SGCZ: variants seen among roughly 807,000 people sequenced by gnomAD.
SGCZ encodes sarcoglycan zeta, also known as zeta-sarcoglycan.
A neutral mutation model predicts 41.3 loss-of-function variants in SGCZ; 40 were observed. That is an observed-to-expected ratio of 0.97 (90% CI 0.75 to 1.26). SGCZ has a LOEUF of 1.26. Ranked by LOEUF, SGCZ falls within the 50% of genes most tolerant of loss-of-function variation. SGCZ has a pLI of 0.00. For synonymous variants in SGCZ, 206 were observed against 137.5 expected, an observed-to-expected ratio of 1.50 and a Z score of -3.49; for missense variants, 552 against 369.8, an observed-to-expected ratio of 1.49 and a Z score of -4.04.
At chr8:14,403,732 T>C (rs1799139087) in intron 2 of SGCZ, among the ~76,000 whole-genome samples, 1 of 152,166 alleles carries the variant, frequency 6.6e-6, no homozygotes, top group African/African-American at 2.4e-5. Context: ...TTTCTGTCTT[T>C]TTTCTTCCAT....
At chr8:14,297,692 C>T (rs1801060009) in intron 3 of SGCZ, among the ~76,000 whole-genome samples, 1 of 151,878 alleles carries the variant, frequency 6.6e-6, no homozygotes. Flanking sequence ...CCAAAACCTA[C>T]ATAAAAAGCA....
At chr8:15,049,664 A>G (rs1381220460) in intron 1 of SGCZ, among the ~76,000 whole-genome samples, 1 of 152,150 alleles carries the variant, frequency 6.6e-6, no homozygotes, top group African/African-American at 2.4e-5. Flanking sequence ...ACAGCAGGTT[A>G]AAGTGAGAGA....
At chr8:14,452,841 T>G (rs1800633655) in intron 2 of SGCZ, among the ~76,000 whole-genome samples, 1 of 152,132 alleles carries the variant, frequency 6.6e-6, no homozygotes, top group Non-Finnish European at 1.5e-5. Context: ...GACTCACGCC[T>G]GTACAAATCC....
chr8:14,475,856 G>GACAGC (rs1407241594), intron 2 of SGCZ, among the ~76,000 whole-genome samples: 2 of 151,956 alleles, frequency 1.3e-5, no homozygotes, highest in Non-Finnish European at 2.9e-5. Context: ...TTTTACTTAA[G>GACAGC]ACAGGGTCTG....
intron 5 of SGCZ, among the ~76,000 whole-genome samples, chr8:14,138,296 C>T (rs905861926): frequency 2.0e-5 from 3 of 152,150 alleles, no homozygotes; most frequent in South Asian, 2.1e-4. Context: ...AATCAGCTAA[C>T]ATTATAATGA....
At chr8:14,857,961 A>G (rs1004680337) in intron 1 of SGCZ, among the ~76,000 whole-genome samples, 2 of 152,322 alleles carry the variant, frequency 1.3e-5, no homozygotes, top group African/African-American at 4.8e-5. Context: ...GCAAGATTCA[A>G]AAATACTTAT....
chr8:14,127,330 A>G (rs1802892191), intron 5 of SGCZ, among the ~76,000 whole-genome samples: 1 of 152,138 alleles, frequency 6.6e-6, no homozygotes, highest in African/African-American at 2.4e-5. Context: ...TCCCCTAAAT[A>G]CTGAGGAGCA....
At chr8:14,470,787 C>A (rs1229287780) in intron 2 of SGCZ, among the ~76,000 whole-genome samples, 1 of 152,104 alleles carries the variant, frequency 6.6e-6, no homozygotes, top group Non-Finnish European at 1.5e-5. Flanking sequence ...AAAAGAAAGT[C>A]ATTCGAACTC....
chr8:14,592,761 T>C (rs978176611), intron 1 of SGCZ, among the ~76,000 whole-genome samples: 3 of 152,184 alleles, frequency 2.0e-5, no homozygotes, highest in African/African-American at 7.2e-5. Flanking sequence ...TGGTTATTAG[T>C]GGTTGGGCAT....
intron 2 of SGCZ, among the ~76,000 whole-genome samples, chr8:14,506,309 C>T (rs1284486938): frequency 2.0e-5 from 3 of 152,166 alleles, no homozygotes; most frequent in South Asian, 2.1e-4. Flanking sequence ...CTTGTTAATA[C>T]CACCTGGTCA....
intron 2 of SGCZ, among the ~76,000 whole-genome samples, chr8:14,336,819 G>C (rs993520343): frequency 2.0e-5 from 3 of 152,064 alleles, no homozygotes; most frequent in Non-Finnish European, 1.5e-5. Flanking sequence ...TGTTTCTTCT[G>C]TTGTGCTCCT....
At chr8:15,182,080 T>C (rs1465065303) in intron 1 of SGCZ, among the ~76,000 whole-genome samples, 1 of 152,164 alleles carries the variant, frequency 6.6e-6, no homozygotes, top group Non-Finnish European at 1.5e-5. Context: ...ATTCCGAAAT[T>C]CATGGAAGAG....
chr8:14,353,278 T>A (rs1041877820), intron 2 of SGCZ, among the ~76,000 whole-genome samples: 1 of 152,134 alleles, frequency 6.6e-6, no homozygotes, highest in African/African-American at 2.4e-5. Context: ...ATATTAGTTA[T>A]CTGTGTTTTT....
intron 1 of SGCZ, among the ~76,000 whole-genome samples, chr8:14,573,789 T>A (rs1036132295): frequency 1.4e-4 from 21 of 152,060 alleles, no homozygotes; most frequent in Non-Finnish European, 1.5e-5. Flanking sequence ...TGGGGAATCT[T>A]AGGAAGCTTA....
intron 1 of SGCZ, among the ~76,000 whole-genome samples, chr8:15,138,332 T>A (rs577770742): frequency 1.3e-5 from 2 of 152,226 alleles, no homozygotes; most frequent in South Asian, 4.1e-4. Flanking sequence ...GGAGTTGGGC[T>A]TTTGAGTTAA....
intron 5 of SGCZ, among the ~76,000 whole-genome samples, chr8:14,161,690 AT>A (rs1293409525): frequency 6.6e-6 from 1 of 152,210 alleles, no homozygotes; most frequent in Non-Finnish European, 1.5e-5. Context: ...ATCTGAAAGT[AT>A]ATGACATAGA....
rs190699649 is a variant in SGCZ, at chr8:15,151,678, C to A, written c.39+85907G>T. ...ACATGTATACACATACATAAAGAGC[C>A]AACTATATAATGACACAGTTAATAA... is the stretch of plus-strand genomic sequence containing the variant. On this transcript the variant is annotated intron_variant, in intron 1 of 7. Coordinates refer to ENST00000382080, the MANE Select transcript of SGCZ (RefSeq NM_139167.4). 2.0e-5 allele frequency among the ~76,000 whole-genome samples: 3 copies of A among 152,148 alleles called. No homozygotes were observed. In the East Asian group the frequency reaches 5.8e-4, roughly 29 times the overall value.
intron 1 of SGCZ, among the ~76,000 whole-genome samples, chr8:14,996,907 T>C (rs896132395): frequency 4.6e-5 from 7 of 152,248 alleles, no homozygotes; most frequent in Non-Finnish European, 8.8e-5. Context: ...GTCAGTTATT[T>C]GCAGTTTACC....
intron 1 of SGCZ, among the ~76,000 whole-genome samples, chr8:15,082,443 A>AGTGT (rs71209102): frequency 0.62 from 92,572 of 149,502 alleles, 30,257 homozygotes; most frequent in Non-Finnish European, 0.74. Flanking sequence ...TATATCTCTA[A>AGTGT]GTGTGTGTGT....
Sources: gnomAD v4.1 joint callset for allele counts (sites outside exome capture counted in the v4.1 genomes callset) on GRCh38, gnomAD v4.1.1 for gene constraint, MANE v1.5 for transcripts, NCBI Gene and HGNC (gene_info 2026-07-23, HGNC 2026-07-21) for gene names.